VPS13B: variants seen among roughly 807,000 people sequenced by gnomAD.
The protein encoded by VPS13B is vacuolar protein sorting 13 homolog B.
Under a neutral mutation model 426.4 loss-of-function variants are expected in VPS13B, and 285 were observed. The ratio of observed to expected loss-of-function variants is 0.67; its 90% CI spans 0.61 to 0.74. The LOEUF is 0.74. Among genes scored for constraint, VPS13B ranks in the 30% least tolerant of loss-of-function variants. The pLI, the probability that VPS13B is intolerant of heterozygous loss-of-function variation, is 0.00. For missense variants in VPS13B, 4,537 were observed against 4,782.6 expected (o/e 0.95, Z 1.51); for synonymous variants, 1,676 against 1,676.4 (o/e 1.00, Z 0.01).
At chr8:99,298,240 G>A (rs796602761) in intron 19 of VPS13B, among the ~76,000 whole-genome samples, 2 of 152,290 alleles carry the variant, frequency 1.3e-5, no homozygotes, top group African/African-American at 4.8e-5. Context: ...TGTAATCCCA[G>A]CACTTTGCGA....
At chr8:99,833,203 C>T (rs1217207462) in intron 52 of VPS13B, among the ~76,000 whole-genome samples, 2 of 151,280 alleles carry the variant, frequency 1.3e-5, no homozygotes, top group African/African-American at 2.4e-5. Flanking sequence ...CTCCAATTAC[C>T]GATTACCAGT....
At chr8:99,427,709 G>A (rs942101396) in intron 21 of VPS13B, among the ~76,000 whole-genome samples, 3 of 151,612 alleles carry the variant, frequency 2.0e-5, no homozygotes, top group Non-Finnish European at 2.9e-5. Flanking sequence ...TGGCCATACT[G>A]CCCAAGGTAA....
chr8:99,049,879 C>T (rs1381168159), intron 3 of VPS13B, among the ~76,000 whole-genome samples: 3 of 151,752 alleles, frequency 2.0e-5, no homozygotes, highest in East Asian at 3.9e-4. Flanking sequence ...ATTCTTTTTC[C>T]TTTGTCTTTG....
At chr8:99,160,136 A>G (rs954673751) in intron 15 of VPS13B, among the ~76,000 whole-genome samples, 2 of 152,110 alleles carry the variant, frequency 1.3e-5, no homozygotes. Flanking sequence ...TCTCCTGGGT[A>G]TGTCCATCTG....
intron 2 of VPS13B, among the ~76,000 whole-genome samples, chr8:99,020,847 C>G (rs1030280902): frequency 5.9e-5 from 9 of 152,122 alleles, no homozygotes; most frequent in African/African-American, 2.2e-4. Context: ...ATTGTAGCAT[C>G]GTAGTGAGTT....
intron 17 of VPS13B, among the ~76,000 whole-genome samples, chr8:99,251,910 G>A (rs1165779920): frequency 1.3e-5 from 2 of 151,402 alleles, no homozygotes; most frequent in South Asian, 2.1e-4. Context: ...ATAACTGCAG[G>A]GTCTGTAATG....
chr8:99,766,985 G>A lies in VPS13B; in HGVS notation c.7247+15G>A. On this transcript the variant is annotated intron_variant, in intron 40 of 61. Transcript: ENST00000357162. Reference sequence around the variant, plus strand: ...GATGACCAAAGGTAATTCATTGAAAGATGATATGGTAGCATTACACTGGGA... The same window carrying A: ...GATGACCAAAGGTAATTCATTGAAAAATGATATGGTAGCATTACACTGGGA... 1 of 1,611,772 alleles carries A rather than the reference G, an allele frequency of 6.2e-7. No homozygotes were observed. Among genetic ancestry groups the A allele is most frequent in the Non-Finnish European group, 8.5e-7 (1 of 1,178,318 alleles).
At chr8:99,077,671 C>T (rs571876894) in intron 3 of VPS13B, among the ~76,000 whole-genome samples, 2 of 151,974 alleles carry the variant, frequency 1.3e-5, no homozygotes, top group East Asian at 1.9e-4. Context: ...CTCTCTGTGT[C>T]GTTGATTTTG....
chr8:99,665,093 T>C (rs1315707446), intron 35 of VPS13B, among the ~76,000 whole-genome samples: 1 of 152,216 alleles, frequency 6.6e-6, no homozygotes. Context: ...TTTTCATGTG[T>C]TTTTTGGCTA....
At chr8:99,435,469 T>G (rs997109490) in intron 22 of VPS13B, among the ~76,000 whole-genome samples, 1 of 152,156 alleles carries the variant, frequency 6.6e-6, no homozygotes, top group Non-Finnish European at 1.5e-5. Flanking sequence ...AGATTCCAAG[T>G]AATATCAGAA....
At chr8:99,772,412 A>T (rs1811548571) in intron 40 of VPS13B, among the ~76,000 whole-genome samples, 1 of 152,168 alleles carries the variant, frequency 6.6e-6, no homozygotes, top group Non-Finnish European at 1.5e-5. Context: ...AGATCCCAAG[A>T]GTAGTCAAAT....
At chr8:99,542,896 G>T (rs540184859) in intron 30 of VPS13B, among the ~76,000 whole-genome samples, 1 of 152,022 alleles carries the variant, frequency 6.6e-6, no homozygotes, top group African/African-American at 2.4e-5. Flanking sequence ...CTGGTACTTT[G>T]TAAGTATTCA....
chr8:99,746,549 T>G (rs1588678425), intron 39 of VPS13B, among the ~76,000 whole-genome samples: 1 of 152,158 alleles, frequency 6.6e-6, no homozygotes, highest in Admixed American at 6.6e-5. Flanking sequence ...TTTACCTACA[T>G]TCTGTGCTTT....
chr8:99,429,919 T>G (rs1021619394), intron 21 of VPS13B, among the ~76,000 whole-genome samples: 19 of 152,178 alleles, frequency 1.2e-4, no homozygotes, highest in African/African-American at 4.3e-4. Context: ...ACCTGGTCCC[T>G]ATATATAGCT....
intron 39 of VPS13B, among the ~76,000 whole-genome samples, chr8:99,751,128 G>A (rs1810373340): frequency 6.6e-6 from 1 of 152,156 alleles, no homozygotes; most frequent in Admixed American, 6.5e-5. Context: ...AAACTACACT[G>A]TATAGTCTGC....
At chr8:99,721,429 G>A (rs1833128544) in intron 39 of VPS13B, among the ~76,000 whole-genome samples, 1 of 152,166 alleles carries the variant, frequency 6.6e-6, no homozygotes, top group Non-Finnish European at 1.5e-5. Context: ...TGTAAGGCTA[G>A]AAAGAGATGA....
At chr8:99,557,025 T>A (rs1173033428) in intron 31 of VPS13B, among the ~76,000 whole-genome samples, 1 of 152,142 alleles carries the variant, frequency 6.6e-6, no homozygotes, top group East Asian at 1.9e-4. Context: ...GAAAAGTTAA[T>A]GAATACTCTG....
chr8:99,164,302 T>C (rs1811863108), intron 15 of VPS13B, among the ~76,000 whole-genome samples: 1 of 152,272 alleles, frequency 6.6e-6, no homozygotes, highest in East Asian at 1.9e-4. Context: ...GGAGAAGCCA[T>C]GTTGCCCAAC....
chr8:99,121,321 A>G lies in VPS13B; in HGVS notation c.1082A>G (p.Asp361Gly), dbSNP rs143295587. 4.0e-5 allele frequency: 65 copies of G among 1,614,192 alleles called. No homozygotes were observed. In the African/African-American group the frequency reaches 7.5e-4, roughly 19 times the overall value. ...SFVPAIVSYDDGEEDFVGNDP... is the reference protein window; with the variant it reads ...SFVPAIVSYDGGEEDFVGNDP... ...GTGCCTGCAATTGTGAGTTATGACG[A>G]TGGCGAGGAAGACTTTGTTGGGAAC... The change falls in exon 8 of 62, where the codon GAT (aspartate) becomes GGT (glycine). Residue 361 changes from aspartate to glycine, a missense_variant. By Grantham distance (94) the Asp-to-Gly change is moderately conservative. Coordinates refer to ENST00000357162, the MANE Select transcript of VPS13B (RefSeq NM_152564.5).
Sources: gnomAD v4.1 joint callset for allele counts (sites outside exome capture counted in the v4.1 genomes callset) on GRCh38, gnomAD v4.1.1 for gene constraint, MANE v1.5 for transcripts, NCBI Gene and HGNC (gene_info 2026-07-23, HGNC 2026-07-21) for gene names.